DOCK5: variants seen among roughly 807,000 people sequenced by gnomAD.
DOCK5 encodes the protein dedicator of cytokinesis protein 5.
In DOCK5, 142 loss-of-function variants were observed where a neutral mutation model predicts 251.8. The observed-to-expected ratio is 0.56, with a 90% CI of 0.49 to 0.65. DOCK5 has a LOEUF of 0.65. Among genes scored for constraint, DOCK5 ranks in the 30% least tolerant of loss-of-function variants. The pLI, the probability that DOCK5 is intolerant of heterozygous loss-of-function variation, is 0.00. For missense variants in DOCK5, 2,111 were observed against 2,312.3 expected, an observed-to-expected ratio of 0.91 and a Z score of 1.79; for synonymous variants, 842 against 835.5, an observed-to-expected ratio of 1.01 and a Z score of -0.13.
At chr8:25,230,330 A>G (rs1204745324) in intron 1 of DOCK5, among the ~76,000 whole-genome samples, 2 of 152,148 alleles carry the variant, frequency 1.3e-5, no homozygotes, top group Admixed American at 1.3e-4. Context: ...ATCAGAAACT[A>G]GGTTTGGGAC....
At chr8:25,235,739 A>G (rs1335141400) in intron 1 of DOCK5, among the ~76,000 whole-genome samples, 2 of 151,472 alleles carry the variant, frequency 1.3e-5, no homozygotes, top group African/African-American at 4.9e-5. Flanking sequence ...CAAGATATTT[A>G]TCTATTCCCT....
chr8:25,242,805 C>T (rs752184186), intron 1 of DOCK5, among the ~76,000 whole-genome samples: 15 of 152,176 alleles, frequency 9.9e-5, no homozygotes, highest in Admixed American at 1.3e-4. Flanking sequence ...GTGCCCTGGG[C>T]TGGGGCCAGG....
chr8:25,343,257 A>G (rs560784838), intron 25 of DOCK5, among the ~76,000 whole-genome samples: 10 of 151,404 alleles, frequency 6.6e-5, no homozygotes, highest in African/African-American at 1.9e-4. Flanking sequence ...GATCTGCCCA[A>G]CTTGGCCTCC....
chr8:25,186,084 A>AT (rs1207283134), intron 1 of DOCK5, among the ~76,000 whole-genome samples: 1 of 152,166 alleles, frequency 6.6e-6, no homozygotes, highest in Non-Finnish European at 1.5e-5. Flanking sequence ...TGCAGTCTCA[A>AT]TTAAGAGCTA....
At chr8:25,264,628 C>T (rs980811729) in intron 2 of DOCK5, among the ~76,000 whole-genome samples, 28 of 151,740 alleles carry the variant, frequency 1.8e-4, no homozygotes, top group African/African-American at 6.6e-4. Context: ...GAGTTCAAGA[C>T]CAGTCTGGCC....
At chr8:25,391,820 T>C (rs1400735695) in intron 42 of DOCK5, 76 bp from the exon 43 acceptor site, 34 of 1,330,420 alleles carry the variant, frequency 2.6e-5, no homozygotes, top group South Asian at 3.8e-5. Flanking sequence ...AGATGTGTTA[T>C]AGGTTTTGTT....
intron 48 of DOCK5, among the ~76,000 whole-genome samples, chr8:25,404,810 A>G (rs1192007603): frequency 6.6e-6 from 1 of 152,118 alleles, no homozygotes; most frequent in Non-Finnish European, 1.5e-5. Context: ...CGACTTCCAT[A>G]AAGATTATAC....
intron 39 of DOCK5, among the ~76,000 whole-genome samples, chr8:25,381,343 G>A (rs1360973762): frequency 6.6e-6 from 1 of 152,108 alleles, no homozygotes; most frequent in Non-Finnish European, 1.5e-5. Context: ...TCATCAACTG[G>A]GCTGGGCACG....
Position 25,278,626 on chromosome 8 carries a change from T to G in DOCK5, c.282T>G (p.Thr94=). The change falls in exon 5 of 52, where the codon ACT becomes ACG. Residue 94 remains threonine, a synonymous_variant. Transcript: ENST00000276440. ...ELPLVQELTS[T]LREWAVIWRK... is the part of the protein sequence containing the mutation. ...CCCTGGTGCAGGAGCTCACGTCCAC[T>G]CTGCGAGAATGGGCTGTCATCTGGC... The G allele has an allele frequency of 6.2e-7, 1 of 1,613,994 alleles. No homozygotes were observed. The highest frequency in any genetic ancestry group is 8.5e-7 in the Non-Finnish European group (1 of 1,179,890).
chr8:25,288,993 A>G (rs938043144), intron 5 of DOCK5, among the ~76,000 whole-genome samples: 1 of 152,240 alleles, frequency 6.6e-6, no homozygotes, highest in East Asian at 1.9e-4. Context: ...TTAACAGAGC[A>G]TATTGCAATC....
intron 46 of DOCK5, among the ~76,000 whole-genome samples, chr8:25,400,227 A>C (rs1363258581): frequency 6.6e-6 from 1 of 152,150 alleles, no homozygotes; most frequent in Admixed American, 6.5e-5. Context: ...GGCCGGGCCC[A>C]GTGGCTTATG....
At chr8:25,223,714 C>G (rs544034541) in intron 1 of DOCK5, among the ~76,000 whole-genome samples, 1 of 152,286 alleles carries the variant, frequency 6.6e-6, no homozygotes, top group African/African-American at 2.4e-5. Flanking sequence ...AGGTAACTTA[C>G]TTTTGTAACA....
chr8:25,199,224 G>C (rs1201358387), intron 1 of DOCK5, among the ~76,000 whole-genome samples: 1 of 152,104 alleles, frequency 6.6e-6, no homozygotes, highest in Admixed American at 6.5e-5. Context: ...GTCATGTATT[G>C]CTAATAAAGG....
chr8:25,401,819 T>C (rs115363456), intron 47 of DOCK5, among the ~76,000 whole-genome samples: 522 of 152,326 alleles, frequency 3.4e-3, no homozygotes, highest in African/African-American at 0.012. Context: ...GGCCAAATTC[T>C]TACATTTTTT....
rs895120867 is a variant in DOCK5 at position 25,381,674 on chromosome 8, T to A, written c.4027-1000T>A. 2.6e-5 allele frequency among the ~76,000 whole-genome samples: 4 copies of A among 152,034 alleles called. No homozygotes were observed. The South Asian group carries it at 6.2e-4, about 24-fold the overall frequency. On this transcript the variant is annotated intron_variant, in intron 39 of 51. Transcript: ENST00000276440. ...CAACTGAACTGAGCTGAAATATTAG[T>A]AATGTAACATGTTACATACCGGTCT...
intron 37 of DOCK5, chr8:25,376,360 T>C (rs936184546): frequency 2.0e-6 from 2 of 985,114 alleles, no homozygotes; most frequent in African/African-American, 3.5e-5. Flanking sequence ...TGCTTATTGG[T>C]ATAAGATCCC....
chr8:25,300,756 G>GA, intron 9 of DOCK5, 99 bp downstream of exon 9: 1 of 1,283,344 alleles, frequency 7.8e-7, no homozygotes, highest in Non-Finnish European at 1.1e-6. Flanking sequence ...AAGATGAAAG[G>GA]AAAAATCATC....
chr8:25,394,373 A>AT (rs1801310449), intron 44 of DOCK5, among the ~76,000 whole-genome samples: 1 of 150,724 alleles, frequency 6.6e-6, no homozygotes, highest in Non-Finnish European at 1.5e-5. Context: ...TTGAAACCTG[A>AT]TTTTGTAGAC....
intron 2 of DOCK5, among the ~76,000 whole-genome samples, chr8:25,245,880 TC>T: frequency 6.6e-6 from 1 of 152,230 alleles, no homozygotes; most frequent in Non-Finnish European, 1.5e-5. Context: ...AATTTCTGAG[TC>T]ATTTTTCAGG....
Sources: allele counts gnomAD v4.1 joint callset (sites outside exome capture counted in the v4.1 genomes callset), GRCh38; gene constraint gnomAD v4.1.1; transcripts MANE v1.5; gene names NCBI Gene and HGNC (gene_info 2026-07-23, HGNC 2026-07-21).